Variants in MCTP1 observed in about 807,000 individuals in gnomAD.
MCTP1 encodes the protein multiple C2 and transmembrane domain-containing protein 1.
A neutral mutation model predicts 120.6 loss-of-function variants in MCTP1; 69 were observed. That is an observed-to-expected ratio of 0.57 (90% CI 0.47 to 0.70). The LOEUF (loss-of-function observed/expected upper bound fraction) is 0.70. Ranked by LOEUF, MCTP1 falls within the 30% of genes least tolerant of loss-of-function variation. The probability of loss-of-function intolerance (pLI) is 0.00; values close to 1 mark genes in which losing one functional copy is unlikely to be tolerated. For missense variants in MCTP1, 1,203 were observed against 1,248.8 expected, an observed-to-expected ratio of 0.96 and a Z score of 0.55; for synonymous variants, 529 against 493.1, an observed-to-expected ratio of 1.07 and a Z score of -0.96.
At position 94,847,678 on chromosome 5, in the gene MCTP1, G is replaced by GTA. The variant is rs1477204214; in HGVS notation, c.2436+20654_2436+20655insTA. Among the ~76,000 whole-genome samples, 455 of 130,504 alleles carry GTA rather than the reference G, an allele frequency of 3.5e-3. 1 individual carries two copies. The highest frequency in any genetic ancestry group is 0.014 in the East Asian group (66 of 4,632). The allele number at this position is 130,504 out of a possible 152,430, so 85.6% of individuals were successfully genotyped here. ...TGTGTGTGTGTGTGTGTGTGTGTGT[G>GTA]TGTGTATATATATATATATATATAT... On this transcript the variant is annotated intron_variant, in intron 17 of 22. Coordinates refer to ENST00000515393, the MANE Select transcript of MCTP1 (RefSeq NM_024717.7).
rs564738002 is a variant in MCTP1, at chr5:95,139,208, C to T, written c.721-121724G>A. On this transcript the variant is annotated intron_variant, in intron 1 of 22. Coordinates refer to ENST00000515393, the MANE Select transcript of MCTP1 (RefSeq NM_024717.7). ...TCTAAGCATAGAAAATTAATGGATGCATGCTAATTGCCAGAAACATTTGCT... is the reference window on the plus strand; with the variant it reads ...TCTAAGCATAGAAAATTAATGGATGTATGCTAATTGCCAGAAACATTTGCT... Among the ~76,000 whole-genome samples the T allele has an allele frequency of 7.9e-5, 12 of 152,228 alleles. No homozygotes were observed. In the East Asian group the frequency reaches 9.7e-4, roughly 12 times the overall value.
At chr5:95,104,370 C>G (rs542194450) in intron 1 of MCTP1, among the ~76,000 whole-genome samples, 1 of 151,068 alleles carries the variant, frequency 6.6e-6, no homozygotes, top group South Asian at 2.1e-4. Context: ...ACATTAGAAA[C>G]TTTGTTATGA....
At chr5:94,928,298 A>T (rs1813694851) in intron 6 of MCTP1, among the ~76,000 whole-genome samples, 1 of 152,058 alleles carries the variant, frequency 6.6e-6, no homozygotes, top group Admixed American at 6.6e-5. Flanking sequence ...TTATTTCATT[A>T]CATTTTTCCA....
intron 1 of MCTP1, among the ~76,000 whole-genome samples, chr5:95,172,768 G>A (rs1391647614): frequency 6.6e-6 from 1 of 152,104 alleles, no homozygotes; most frequent in Non-Finnish European, 1.5e-5. Flanking sequence ...GTTCTGTTGT[G>A]TGCCATTTCC....
At chr5:95,265,240 C>T (rs1480596034) in intron 1 of MCTP1, among the ~76,000 whole-genome samples, 1 of 152,160 alleles carries the variant, frequency 6.6e-6, no homozygotes, top group Non-Finnish European at 1.5e-5. Context: ...GTACAACAAG[C>T]TTCAGTCCAA....
intron 12 of MCTP1, among the ~76,000 whole-genome samples, chr5:94,881,300 T>A (rs1227051856): frequency 6.6e-6 from 1 of 152,162 alleles, no homozygotes; most frequent in Admixed American, 6.6e-5. Flanking sequence ...CTCCAGAGAC[T>A]GAACTTAGAG....
At chr5:94,804,939 C>A (rs979210509) in intron 17 of MCTP1, among the ~76,000 whole-genome samples, 1 of 151,912 alleles carries the variant, frequency 6.6e-6, no homozygotes, top group Admixed American at 6.6e-5. Context: ...AAAAGCTTTA[C>A]TAATAATTGA....
At chr5:94,876,372 T>C (rs574801380) in intron 12 of MCTP1, among the ~76,000 whole-genome samples, 2 of 152,132 alleles carry the variant, frequency 1.3e-5, no homozygotes, top group South Asian at 4.1e-4. Flanking sequence ...GATTCTAGGA[T>C]GAAGTTGATG....
intron 1 of MCTP1, among the ~76,000 whole-genome samples, chr5:95,052,766 C>G (rs7729095): frequency 0.72 from 109,275 of 152,046 alleles, 41,504 homozygotes; most frequent in Non-Finnish European, 0.87. Flanking sequence ...CAGGTTAAAC[C>G]TATGATCCTG....
At chr5:94,941,420 C>T (rs536534932) in intron 4 of MCTP1, among the ~76,000 whole-genome samples, 7 of 152,106 alleles carry the variant, frequency 4.6e-5, no homozygotes, top group African/African-American at 1.7e-4. Flanking sequence ...ATTGGAAGAC[C>T]AATAAGCCAT....
intron 1 of MCTP1, among the ~76,000 whole-genome samples, chr5:95,132,448 T>C (rs1244238708): frequency 6.6e-6 from 1 of 152,200 alleles, no homozygotes; most frequent in Non-Finnish European, 1.5e-5. Flanking sequence ...AAATATTAAG[T>C]GCTAAATGGA....
intron 2 of MCTP1, among the ~76,000 whole-genome samples, chr5:95,003,267 C>A (rs946832279): frequency 2.6e-5 from 4 of 152,170 alleles, no homozygotes; most frequent in Admixed American, 6.5e-5. Flanking sequence ...CATATTTCTA[C>A]TGTACCTTTT....
intron 17 of MCTP1, among the ~76,000 whole-genome samples, chr5:94,845,760 C>T (rs143569529): frequency 6.6e-6 from 1 of 152,094 alleles, no homozygotes; most frequent in South Asian, 2.1e-4. Flanking sequence ...CTATGTTGCC[C>T]AGGCTGATCT....
At chr5:95,081,608 C>T (rs1426058110) in intron 1 of MCTP1, 49 of 1,411,846 alleles carry the variant, frequency 3.5e-5, no homozygotes, top group East Asian at 1.0e-4. Flanking sequence ...CAGCCCTGCA[C>T]GGAGCACTTG....
chr5:95,119,408 C>T (rs886997904), intron 1 of MCTP1, among the ~76,000 whole-genome samples: 1 of 152,056 alleles, frequency 6.6e-6, no homozygotes, highest in Non-Finnish European at 1.5e-5. Context: ...TATAGTTATA[C>T]GTGCCTACAT....
chr5:95,257,796 T>TACACACACACAC lies in MCTP1; in HGVS notation c.720+26048_720+26059dup, dbSNP rs369408591. Among the ~76,000 whole-genome samples the TACACACACACAC allele has an allele frequency of 4.4e-3, 554 of 125,408 alleles. 7 individuals are homozygous for TACACACACACAC. Among genetic ancestry groups the TACACACACACAC allele is most frequent in the South Asian group, 0.029 (106 of 3,686 alleles). 82.3% of individuals were successfully genotyped at this position (125,408 alleles called of 152,430 possible). A position where few individuals can be genotyped will look rare whatever the true frequency, so the allele number is the denominator to read the frequency against. ...AAGGAAGGAAGTGCTCCAGAAAACA[T>TACACACACACAC]ACACACACACACACACACACACACA... On this transcript the variant is annotated intron_variant, in intron 1 of 22. Coordinates refer to ENST00000515393, the MANE Select transcript of MCTP1 (RefSeq NM_024717.7).
intron 2 of MCTP1, among the ~76,000 whole-genome samples, chr5:95,016,421 T>G (rs905149104): frequency 6.6e-6 from 1 of 152,144 alleles, no homozygotes; most frequent in African/African-American, 2.4e-5. Context: ...TTTTTCTCTA[T>G]TTTATTCCTT....
At chr5:94,900,556 C>T (rs1452505726) in intron 10 of MCTP1, among the ~76,000 whole-genome samples, 1 of 152,170 alleles carries the variant, frequency 6.6e-6, no homozygotes, top group East Asian at 1.9e-4. Flanking sequence ...TTAATTAATT[C>T]TTTCATTAAC....
At chr5:94,908,626 CA>C (rs929871723) in intron 10 of MCTP1, among the ~76,000 whole-genome samples, 41 of 151,858 alleles carry the variant, frequency 2.7e-4, no homozygotes, top group African/African-American at 8.9e-4. Flanking sequence ...ATATAACTAT[CA>C]AAAAATATAA....
Sources: gnomAD v4.1 joint callset for allele counts (sites outside exome capture counted in the v4.1 genomes callset) on GRCh38, gnomAD v4.1.1 for gene constraint, MANE v1.5 for transcripts, NCBI Gene and HGNC (gene_info 2026-07-23, HGNC 2026-07-21) for gene names.